Variants in KALRN observed in about 807,000 individuals in gnomAD.
KALRN encodes kalirin.
In KALRN, 70 loss-of-function variants were observed where a neutral mutation model predicts 353.7. The observed-to-expected ratio is 0.20, with a 90% CI of 0.16 to 0.24. The LOEUF is 0.24. KALRN is among the 10% of genes least tolerant of loss of function. KALRN has a pLI of 1.00. For missense variants in KALRN, 2,791 were observed against 3,756.7 expected (o/e 0.74, Z 6.72); for synonymous variants, 1,391 against 1,434.8 (o/e 0.97, Z 0.69).
intron 3 of KALRN, among the ~76,000 whole-genome samples, chr3:124,254,856 C>A (rs1348586709): frequency 6.6e-6 from 1 of 152,186 alleles, no homozygotes; most frequent in African/African-American, 2.4e-5. Flanking sequence ...TCTGCTTCCT[C>A]CCCTGGCTGC....
chr3:124,219,340 G>C (rs1199567676), intron 1 of KALRN, among the ~76,000 whole-genome samples: 1 of 152,198 alleles, frequency 6.6e-6, no homozygotes, highest in East Asian at 1.9e-4. Context: ...TGAGCAGTTA[G>C]GGCAGGCACC....
chr3:124,385,179 A>G, intron 11 of KALRN, 143 bp downstream of exon 11: 1 of 625,906 alleles, frequency 1.6e-6, no homozygotes, highest in Non-Finnish European at 2.6e-6. Context: ...TTAACAATTC[A>G]TTCCTGATAG....
intron 51 of KALRN, among the ~76,000 whole-genome samples, chr3:124,680,278 G>A (rs188320488): frequency 6.6e-5 from 10 of 152,324 alleles, no homozygotes; most frequent in East Asian, 1.9e-4. Flanking sequence ...TGGAACCAAC[G>A]CCTGTATCAA....
intron 33 of KALRN, among the ~76,000 whole-genome samples, chr3:124,527,724 G>C (rs1577731805): frequency 6.6e-6 from 1 of 152,080 alleles, no homozygotes; most frequent in East Asian, 1.9e-4. Flanking sequence ...AAGCGAAGAG[G>C]GTGCCCAGAA....
At chr3:124,358,345 C>G (rs955356272) in intron 10 of KALRN, among the ~76,000 whole-genome samples, 1 of 152,164 alleles carries the variant, frequency 6.6e-6, no homozygotes, top group Non-Finnish European at 1.5e-5. Context: ...TCAGAGGAGG[C>G]TTTAACCTTC....
intron 27 of KALRN, 31 bp from the exon 28 acceptor site, chr3:124,482,777 G>A (rs371253706): frequency 4.6e-5 from 67 of 1,458,530 alleles, no homozygotes; most frequent in Non-Finnish European, 6.0e-5. Flanking sequence ...ACCCCTCTGT[G>A]TCTAATTGCA....
chr3:124,487,377 C>G (rs564173805), intron 28 of KALRN, among the ~76,000 whole-genome samples: 1 of 152,250 alleles, frequency 6.6e-6, no homozygotes, highest in South Asian at 2.1e-4. Flanking sequence ...CCCCAGCTCC[C>G]CAGGAGGTAA....
intron 15 of KALRN, among the ~76,000 whole-genome samples, chr3:124,428,368 T>TA (rs2093122290): frequency 6.6e-6 from 1 of 152,202 alleles, no homozygotes; most frequent in African/African-American, 2.4e-5. Flanking sequence ...AGTACCATCA[T>TA]AATCATCAGA....
intron 1 of KALRN, among the ~76,000 whole-genome samples, chr3:124,085,222 T>G (rs576281098): frequency 6.6e-6 from 1 of 152,328 alleles, no homozygotes; most frequent in African/African-American, 2.4e-5. Flanking sequence ...ACATCACTAA[T>G]TGATGGCACC....
chr3:124,365,307 G>T (rs1175752236), intron 10 of KALRN, among the ~76,000 whole-genome samples: 1 of 152,152 alleles, frequency 6.6e-6, no homozygotes, highest in Non-Finnish European at 1.5e-5. Context: ...ACAAATCCCA[G>T]TCATGAGCAG....
At chr3:124,509,823 G>A (rs2065679420) in intron 33 of KALRN, among the ~76,000 whole-genome samples, 1 of 152,172 alleles carries the variant, frequency 6.6e-6, no homozygotes, top group Non-Finnish European at 1.5e-5. Context: ...GTTGCTCACA[G>A]GAAAGCCTTT....
Position 124,409,977 on chromosome 3 carries a change from G to T in KALRN, c.2347-3493G>T, listed in dbSNP as rs2091989636. On this transcript the variant is annotated intron_variant, in intron 13 of 59. Coordinates refer to ENST00000682506, the MANE Select transcript of KALRN (RefSeq NM_001388419.1). ...AGGGCAGCCTTAGGAGGAGGCCCTG[G>T]AAATTCCCATTCTCCAGGCTTCATA... Among the ~76,000 whole-genome samples the T allele has an allele frequency of 2.0e-5, 3 of 152,244 alleles. No individual in the cohort carries two copies. In the South Asian group the frequency reaches 6.2e-4, roughly 32 times the overall value.
intron 34 of KALRN, among the ~76,000 whole-genome samples, chr3:124,564,936 G>A (rs956951062): frequency 2.0e-5 from 3 of 152,248 alleles, no homozygotes; most frequent in Non-Finnish European, 4.4e-5. Flanking sequence ...CAGATAATCA[G>A]CAGCAGGCAT....
chr3:124,501,066 A>G (rs1044602555), intron 33 of KALRN, among the ~76,000 whole-genome samples: 2 of 152,232 alleles, frequency 1.3e-5, no homozygotes, highest in Non-Finnish European at 2.9e-5. Context: ...GGCATGCTGG[A>G]AACATAAAAT....
intron 1 of KALRN, among the ~76,000 whole-genome samples, chr3:124,157,367 C>G (rs1475686396): frequency 3.3e-5 from 5 of 152,192 alleles, no homozygotes; most frequent in African/African-American, 1.2e-4. Flanking sequence ...CTAATTGTAA[C>G]CCAAAGACAG....
intron 6 of KALRN, among the ~76,000 whole-genome samples, chr3:124,318,496 CTAAT>C (rs2079023159): frequency 6.6e-6 from 1 of 152,222 alleles, no homozygotes; most frequent in East Asian, 1.9e-4. Flanking sequence ...TAATGTTAAA[CTAAT>C]TAATCATAAA....
intron 1 of KALRN, among the ~76,000 whole-genome samples, chr3:124,109,692 T>G (rs2062664959): frequency 6.8e-6 from 1 of 147,818 alleles, no homozygotes. Context: ...ATCATATATA[T>G]ATCATACTTT....
At chr3:124,215,303 CAA>C (rs1560253424) in intron 1 of KALRN, among the ~76,000 whole-genome samples, 1 of 152,146 alleles carries the variant, frequency 6.6e-6, no homozygotes, top group African/African-American at 2.4e-5. Context: ...CAGAGGGAAA[CAA>C]TAAAAATTCA....
chr3:124,580,668 C>A (rs1043867420), intron 34 of KALRN, among the ~76,000 whole-genome samples: 11 of 152,186 alleles, frequency 7.2e-5, no homozygotes, highest in Non-Finnish European at 1.6e-4. Flanking sequence ...GTCCTAGTAG[C>A]TAGCTTCAGA....
Sources: gnomAD v4.1 joint callset for allele counts (sites outside exome capture counted in the v4.1 genomes callset) on GRCh38, gnomAD v4.1.1 for gene constraint, MANE v1.5 for transcripts, NCBI Gene and HGNC (gene_info 2026-07-23, HGNC 2026-07-21) for gene names.